The following DPH1 variants were observed in gnomAD, a reference collection of about 807,000 sequenced individuals.
DPH1 encodes 2-(3-amino-3-carboxypropyl)histidine synthase subunit 1.
In DPH1, 59 loss-of-function variants were observed where a neutral mutation model predicts 55.3. That is an observed-to-expected ratio of 1.07 (90% CI 0.87 to 1.33). The LOEUF (loss-of-function observed/expected upper bound fraction) is 1.33. DPH1 is among the 40% of genes most tolerant of loss of function. DPH1 has a pLI of 0.00. For synonymous variants in DPH1, 238 were observed against 235.5 expected (o/e 1.01, Z -0.10); for missense variants, 628 against 584.8 (o/e 1.07, Z -0.76).
chr17:2,038,765 A>G (rs1435954235), intron 6 of DPH1, among the ~76,000 whole-genome samples: 1 of 152,160 alleles, frequency 6.6e-6, no homozygotes, highest in African/African-American at 2.4e-5. Flanking sequence ...CTCCTTGAAC[A>G]CTACTGTCCA....
Position 2,033,624 on chromosome 17 carries a change from A to T in DPH1, c.181A>T (p.Ile61Phe). ...SNYNFEIPKT[I>F]WRIQQAQAKK... ...CTACAACTTTGAGATCCCCAAGACC[A>T]TCTGGAGGATCCAACAAGCCCAGGC... The change falls in exon 2 of 13, where the codon ATC becomes TTC. Residue 61 changes from isoleucine to phenylalanine, a missense_variant. By Grantham distance (21) the Ile-to-Phe change is conservative. Transcript: ENST00000263083. 6.2e-7 allele frequency: 1 copy of T among 1,614,230 alleles called. No individual in the cohort carries two copies. The highest frequency in any genetic ancestry group is 8.5e-7 in the Non-Finnish European group (1 of 1,180,044).
chr17:2,036,749 C>G lies in DPH1; in HGVS notation c.558+63C>G, dbSNP rs1288076968. On this transcript the variant is annotated intron_variant, in intron 5 of 12. Coordinates refer to ENST00000263083, the MANE Select transcript of DPH1 (RefSeq NM_001383.6). The surrounding 1 kb of genome is among the most constrained non-coding windows in gnomAD (Gnocchi z 4.8). ...GACAGCGGCCACTCTCCAGCTGTTG[C>G]GGGATCCCCAGGTGCTCCAGGCTGT... is the stretch of plus-strand genomic sequence containing the variant. The G allele has an allele frequency of 6.2e-7, 1 of 1,607,978 alleles. No individual in the cohort carries two copies. The highest frequency in any genetic ancestry group is 8.5e-7 in the Non-Finnish European group (1 of 1,176,244).
chr17:2,042,245 C>A (rs1343711555), intron 12 of DPH1: 1 of 1,413,216 alleles, frequency 7.1e-7, no homozygotes, highest in East Asian at 2.8e-5. Context: ...AGACAAGCCC[C>A]GCTCCGGAAA....
intron 3 of DPH1, among the ~76,000 whole-genome samples, chr17:2,035,541 G>A (rs1008511803): frequency 1.7e-4 from 25 of 151,220 alleles, no homozygotes; most frequent in Non-Finnish European, 3.1e-4. Context: ...TGGGGGTCCC[G>A]GCAAGAGGGA....
chr17:2,042,830 C>T lies in DPH1; in HGVS notation c.*244C>T. 6.2e-7 allele frequency: 1 copy of T among 1,614,086 alleles called. No homozygotes were observed. The highest frequency in any genetic ancestry group is 8.5e-7 in the Non-Finnish European group (1 of 1,180,022). On this transcript the variant is annotated 3_prime_UTR_variant, in exon 13 of 13. Transcript: ENST00000263083. ...TGTGCCCTGGGCCAGGCAGGCGATCCCCGCTTCCCCTTGCCACGGTTTATC... is the reference window on the plus strand; with the variant it reads ...TGTGCCCTGGGCCAGGCAGGCGATCTCCGCTTCCCCTTGCCACGGTTTATC...
intron 3 of DPH1, among the ~76,000 whole-genome samples, chr17:2,035,453 AGGTAGT>A (rs1393468539): frequency 0.051 from 1,431 of 28,174 alleles, 5 homozygotes; most frequent in East Asian, 0.14. Context: ...TGTGGTGGGG[AGGTAGT>A]GGGGGTCCGG....
rs2067433169 is a variant in DPH1, at chr17:2,036,757, C to T, written c.558+71C>T. 2 of 1,606,944 alleles carry T rather than the reference C, an allele frequency of 1.2e-6. No homozygotes were observed. Among genetic ancestry groups the T allele is most frequent in the Admixed American group, 1.7e-5 (1 of 59,690 alleles). ...CCACTCTCCAGCTGTTGCGGGATCCCCAGGTGCTCCAGGCTGTTTCTCAGC... is the reference window on the plus strand; with the variant it reads ...CCACTCTCCAGCTGTTGCGGGATCCTCAGGTGCTCCAGGCTGTTTCTCAGC... On this transcript the variant is annotated intron_variant, in intron 5 of 12. Coordinates refer to ENST00000263083, the MANE Select transcript of DPH1 (RefSeq NM_001383.6). The surrounding 1 kb of genome is among the most constrained non-coding windows in gnomAD (Gnocchi z 4.8).
Position 2,040,561 on chromosome 17 carries a change from T to C in DPH1, c.963T>C (p.Ser321=), listed in dbSNP as rs2067502031. 4 of 1,614,082 alleles carry C rather than the reference T, an allele frequency of 2.5e-6. No individual in the cohort carries two copies. Among genetic ancestry groups the C allele is most frequent in the Non-Finnish European group, 3.4e-6 (4 of 1,180,022 alleles). The change falls in exon 9 of 13, where the codon TCT becomes TCC. Residue 321 remains serine, a synonymous_variant. Coordinates refer to ENST00000263083, the MANE Select transcript of DPH1 (RefSeq NM_001383.6). Reference sequence around the variant, plus strand: ...TTTCCTTTGTGAGGCTGCTGCTCTCTGAGATCTTCCCCAGCAAGCTTAGCC... The same window carrying C: ...TTTCCTTTGTGAGGCTGCTGCTCTCCGAGATCTTCCCCAGCAAGCTTAGCC... ...LGLSFVRLLL[S]EIFPSKLSLL... is the part of the protein sequence containing the mutation.
Position 2,043,187 on chromosome 17 carries a change from T to C in DPH1, c.*601T>C, listed in dbSNP as rs1597293065. The C allele has an allele frequency of 3.4e-6, 5 of 1,489,910 alleles. No homozygotes were observed. Among genetic ancestry groups the C allele is most frequent in the Non-Finnish European group, 3.6e-6 (4 of 1,101,756 alleles). 92.3% of individuals were successfully genotyped at this position (1,489,910 alleles called of 1,614,324 possible). A position where few individuals can be genotyped will look rare whatever the true frequency, so the allele number is the denominator to read the frequency against. ...TCCATGCCCTCCCAGGACCCTCCAC[T>C]CACTGCTGTGAGTGCGCCTCACCAG... On this transcript the variant is annotated 3_prime_UTR_variant, in exon 13 of 13. Transcript: ENST00000263083.
intron 9 of DPH1, 49 bp downstream of exon 9, chr17:2,040,654 T>A: frequency 6.3e-7 from 1 of 1,584,812 alleles, no homozygotes; most frequent in Non-Finnish European, 8.7e-7. Flanking sequence ...AGAAGCTGGG[T>A]CTTGCCCAGC....
chr17:2,041,793 C>A lies in DPH1; in HGVS notation c.1253C>A (p.Pro418His). Residue 418 changes from proline (P) to histidine (H), a missense_variant, in exon 12 of 13, where the codon CCT (proline) becomes CAT (histidine). By Grantham distance (77) the Pro-to-His change is moderately conservative. Transcript: ENST00000263083. ...GKVQEGSARP[P>H]SAVACEDCSC... ...GTGCAGGAGGGGTCCGCGCGTCCCC[C>A]TTCGGCCGTGGCTTGCGAGGACTGC... 6.2e-7 allele frequency: 1 copy of A among 1,606,742 alleles called. No homozygotes were observed. Among genetic ancestry groups the A allele is most frequent in the Non-Finnish European group, 8.5e-7 (1 of 1,177,260 alleles).
rs1045519266 is a variant in DPH1, at chr17:2,036,215, G to A, written c.400+124G>A. ...AGACACAAGGTCCCTCCTGGTTTCT[G>A]GGGTGGCCTCTGCCTTCCCGCTCTG... On this transcript the variant is annotated intron_variant, in intron 4 of 12. Coordinates refer to ENST00000263083, the MANE Select transcript of DPH1 (RefSeq NM_001383.6). The surrounding 1 kb of genome is among the most constrained non-coding windows in gnomAD (Gnocchi z 4.8). The A allele has an allele frequency of 2.7e-6, 4 of 1,464,784 alleles. No individual in the cohort carries two copies. Among genetic ancestry groups the A allele is most frequent in the Non-Finnish European group, 3.6e-6 (4 of 1,103,924 alleles). 90.7% of individuals were successfully genotyped at this position (1,464,784 alleles called of 1,614,324 possible). A position where few individuals can be genotyped will look rare whatever the true frequency, so the allele number is the denominator to read the frequency against.
rs753164539 is a variant in DPH1, at chr17:2,041,879, T to TCAGC, written c.*18+6_*18+9dup. The TCAGC allele has an allele frequency of 6.4e-7, 1 of 1,571,398 alleles. No individual in the cohort carries two copies. The highest frequency in any genetic ancestry group is 1.3e-5 in the African/African-American group (1 of 74,134). ...TTGACGCGCTCCCGGGCCTCAGGTA[T>TCAGC]CAGCCCCCGCTCTGGGTGCGCCCCG... On this transcript the variant is annotated splice_donor_region_variant and intron_variant, in intron 12 of 12. Coordinates refer to ENST00000263083, the MANE Select transcript of DPH1 (RefSeq NM_001383.6).
chr17:2,039,816 G>C lies in DPH1; in HGVS notation c.742G>C (p.Ala248Pro), dbSNP rs371816907. ...CATGATTGCCAACCCCAATGTCCCC[G>C]CTTACCGGTATGGGCTGGGCCGGGC... is the stretch of plus-strand genomic sequence containing the variant. ...SVMIANPNVP[A>P]YRYDPYSKVL... is the part of the protein sequence containing the mutation. Residue 248 changes from alanine (A) to proline (P), a missense_variant, in exon 7 of 13, where the codon GCT (alanine) becomes CCT (proline). Physicochemically the swap from Ala to Pro is conservative, Grantham distance 27 (BLOSUM62 -1). Transcript: ENST00000263083. The C allele has an allele frequency of 1.9e-6, 3 of 1,613,966 alleles. No homozygotes were observed. The African/African-American group carries it at 4.0e-5, about 22-fold the overall frequency.
At chr17:2,035,701 G>T (rs2067412753) in intron 3 of DPH1, among the ~76,000 whole-genome samples, 1 of 152,178 alleles carries the variant, frequency 6.6e-6, no homozygotes, top group Admixed American at 6.5e-5. Context: ...GTGCCGGAGT[G>T]AGGGTTGGGG....
Position 2,042,657 on chromosome 17 carries a change from G to A in DPH1, c.*71G>A. 6.6e-7 allele frequency: 1 copy of A among 1,524,624 alleles called. No individual in the cohort carries two copies. Among genetic ancestry groups the A allele is most frequent in the Non-Finnish European group, 8.8e-7 (1 of 1,139,844 alleles). 94.4% of individuals were successfully genotyped at this position (1,524,624 alleles called of 1,614,324 possible). On this transcript the variant is annotated 3_prime_UTR_variant, in exon 13 of 13. Coordinates refer to ENST00000263083, the MANE Select transcript of DPH1 (RefSeq NM_001383.6). ...GAGGCTGGTGGTTTTCAGAGCAGGA[G>A]GCCGACGTTTTCTCCGCATTGGAAG... is the stretch of plus-strand genomic sequence containing the variant.
chr17:2,033,700 G>A (rs1271412245), intron 2 of DPH1, 43 bp downstream of exon 2: 1 of 1,613,600 alleles, frequency 6.2e-7, no homozygotes, highest in African/African-American at 1.3e-5. Context: ...TGGAGAGGTT[G>A]CCTGGCCCAG....
chr17:2,033,183 G>T (rs1200736026), intron 1 of DPH1, among the ~76,000 whole-genome samples: 1 of 152,100 alleles, frequency 6.6e-6, no homozygotes, highest in Non-Finnish European at 1.5e-5. Context: ...CTGGTGGGGG[G>T]GTGGGTGTCC....
rs774819926 is a variant in DPH1 at position 2,042,013 on chromosome 17, G to A, written c.*18+138G>A. The A allele has an allele frequency of 4.0e-6, 6 of 1,491,314 alleles. No homozygotes were observed. In the East Asian group the frequency reaches 1.3e-4, roughly 32 times the overall value. 92.4% of individuals were successfully genotyped at this position (1,491,314 alleles called of 1,614,324 possible). ...TTGTGCTTCCGCTCGGGGAAAGACC[G>A]CTTCCGGTGCTTCCGTCGCTCCTTG... On this transcript the variant is annotated intron_variant, in intron 12 of 12. Transcript: ENST00000263083.
Sources: gnomAD v4.1 joint callset for allele counts (sites outside exome capture counted in the v4.1 genomes callset) on GRCh38, gnomAD v4.1.1 for gene constraint, Gnocchi (gnomAD v3.1) non-coding constraint, MANE v1.5 for transcripts, NCBI Gene and HGNC (gene_info 2026-07-23, HGNC 2026-07-21) for gene names.